DTD1: variants seen among roughly 807,000 people sequenced by gnomAD.
The protein encoded by DTD1 is D-tyrosyl-tRNA deacylase 1 homolog.
In DTD1, 13 loss-of-function variants were observed where a neutral mutation model predicts 25.6. The ratio of observed to expected loss-of-function variants is 0.51; its 90% confidence interval spans 0.33 to 0.81. The LOEUF is 0.81. Ranked by LOEUF, DTD1 falls within the 30% of genes least tolerant of loss-of-function variation. The probability of loss-of-function intolerance (pLI) is 0.02; values close to 1 mark genes in which losing one functional copy is unlikely to be tolerated. For synonymous variants in DTD1, 110 were observed against 103.6 expected, an observed-to-expected ratio of 1.06 and a Z score of -0.37; for missense variants, 193 against 266.4, an observed-to-expected ratio of 0.72 and a Z score of 1.92.
chr20:18,686,175 T>G (rs894421824), intron 4 of DTD1, among the ~76,000 whole-genome samples: 2 of 152,246 alleles, frequency 1.3e-5, no homozygotes, highest in African/African-American at 4.8e-5. Context: ...ATATAGAATA[T>G]CCACCATAGT....
At chr20:18,706,977 G>A (rs949968666) in intron 4 of DTD1, among the ~76,000 whole-genome samples, 1 of 152,224 alleles carries the variant, frequency 6.6e-6, no homozygotes, top group African/African-American at 2.4e-5. Flanking sequence ...GAGACCCCGT[G>A]TGCTGAGGGG....
chr20:18,630,428 C>T (rs1013450690), intron 4 of DTD1: 1 of 152,048 alleles, frequency 6.6e-6, no homozygotes, highest in Non-Finnish European at 1.5e-5. Context: ...GGCGCGATCT[C>T]CGTTCATTGC....
intron 4 of DTD1, chr20:18,632,189 G>A: frequency 3.0e-6 from 3 of 985,282 alleles, no homozygotes; most frequent in Non-Finnish European, 3.6e-6. Context: ...TCCTCAAGTA[G>A]GCATTTTTTA....
intron 4 of DTD1, among the ~76,000 whole-genome samples, chr20:18,676,745 A>AAT (rs2060976869): frequency 6.6e-6 from 1 of 152,082 alleles, no homozygotes; most frequent in African/African-American, 2.4e-5. Flanking sequence ...GTAGGATCAC[A>AAT]TTTTGGTCCT....
chr20:18,764,992 A>G lies in DTD1; in HGVS notation c.*1652A>G, dbSNP rs1018929254. 6.6e-6 allele frequency: 1 copy of G among 152,216 alleles called. No homozygotes were observed. Among genetic ancestry groups the G allele is most frequent in the Non-Finnish European group, 1.5e-5 (1 of 68,030 alleles). 9.4% of individuals were successfully genotyped at this position (152,216 alleles called of 1,614,324 possible). A position where few individuals can be genotyped will look rare whatever the true frequency, so the allele number is the denominator to read the frequency against. On this transcript the variant is annotated 3_prime_UTR_variant, in exon 6 of 6. Transcript: ENST00000377452. ...TTGAACAGTTGCAGCCTGTCCTTGT[A>G]GTAAGGGGTAACGAGGATTGCATAG...
rs10632823 is a variant in DTD1, at chr20:18,744,655, A to AAAAAAAAAC, written c.*19+384_*19+385insAAAAAAAAC. 6.0e-3 allele frequency among the ~76,000 whole-genome samples: 714 copies of AAAAAAAAAC among 119,872 alleles called. 77 individuals are homozygous for AAAAAAAAAC. The highest frequency in any genetic ancestry group is 0.028 in the South Asian group (91 of 3,254). The allele number at this position is 119,872 out of a possible 152,430, so 78.6% of individuals were successfully genotyped here. On this transcript the variant is annotated intron_variant, in intron 5 of 5. Transcript: ENST00000377452. Reference sequence around the variant, plus strand: ...CCATCTCAAAAAAAAAAAACAAAAAACAAGTGAAAGGGGTTTCCCCTTATA... The same window carrying AAAAAAAAAC: ...CCATCTCAAAAAAAAAAAACAAAAAAAAAAAAAACCAAGTGAAAGGGGTTTCCCCTTATA...
In DTD1 at chr20:18,668,540, G is replaced by A. The variant is rs190491458; in HGVS notation, c.477+40307G>A. ...GCACCATTTGAAGACCTCTGTTGTC[G>A]GTGAAGTTAGCTTGACCCACACCTG... On this transcript the variant is annotated intron_variant, in intron 4 of 5. Coordinates refer to ENST00000377452, the MANE Select transcript of DTD1 (RefSeq NM_080820.6). Among the ~76,000 whole-genome samples the A allele has an allele frequency of 1.2e-4, 19 of 152,240 alleles. No individual in the cohort carries two copies. The East Asian group carries it at 3.3e-3, about 26-fold the overall frequency.
Position 18,588,078 on chromosome 20 carries a change from G to T in DTD1, c.6G>T (p.Lys2Asn). The part of the protein sequence containing the change: M[K>N]AVVQRVTRAS... ...CACTCGCCCCAGCCGCCGCCATGAAGGCCGTGGTGCAGCGCGTCACCCGGG... is the reference window on the plus strand; with the variant it reads ...CACTCGCCCCAGCCGCCGCCATGAATGCCGTGGTGCAGCGCGTCACCCGGG... Residue 2 changes from lysine to asparagine, a missense_variant, in exon 1 of 6, where the codon AAG becomes AAT. By Grantham distance (94) the Lys-to-Asn change is moderately conservative. Coordinates refer to ENST00000377452, the MANE Select transcript of DTD1 (RefSeq NM_080820.6). The T allele has an allele frequency of 7.2e-7, 1 of 1,384,862 alleles. No homozygotes were observed. Among genetic ancestry groups the T allele is most frequent in the East Asian group, 3.1e-5 (1 of 32,226 alleles). The allele number at this position is 1,384,862 out of a possible 1,614,324, so 85.8% of individuals were successfully genotyped here.
At chr20:18,647,820 T>C (rs540890425) in intron 4 of DTD1, among the ~76,000 whole-genome samples, 1 of 152,148 alleles carries the variant, frequency 6.6e-6, no homozygotes, top group African/African-American at 2.4e-5. Flanking sequence ...GGATGGCAGA[T>C]AGATTGGACT....
intron 4 of DTD1, among the ~76,000 whole-genome samples, chr20:18,692,609 A>T (rs1408926980): frequency 6.6e-6 from 1 of 152,224 alleles, no homozygotes; most frequent in African/African-American, 2.4e-5. Context: ...GCTCAAAGGG[A>T]TGCACTAAAG....
At chr20:18,720,745 C>A (rs1045430763) in intron 4 of DTD1, among the ~76,000 whole-genome samples, 5 of 152,102 alleles carry the variant, frequency 3.3e-5, no homozygotes, top group Non-Finnish European at 7.4e-5. Context: ...GTAGTCCCAG[C>A]TACTCAAGAG....
At chr20:18,688,662 A>G (rs1413451852) in intron 4 of DTD1, among the ~76,000 whole-genome samples, 1 of 152,098 alleles carries the variant, frequency 6.6e-6, no homozygotes, top group Non-Finnish European at 1.5e-5. Flanking sequence ...CCATCTTTCT[A>G]TACTAGATTG....
intron 4 of DTD1, among the ~76,000 whole-genome samples, chr20:18,712,003 A>C (rs2061160941): frequency 6.6e-6 from 1 of 151,862 alleles, no homozygotes; most frequent in Non-Finnish European, 1.5e-5. Context: ...TGGGAGGTGG[A>C]AGTGGTTGCA....
At chr20:18,607,482 C>T (rs1198815862) in intron 3 of DTD1, among the ~76,000 whole-genome samples, 1 of 151,858 alleles carries the variant, frequency 6.6e-6, no homozygotes, top group Non-Finnish European at 1.5e-5. Context: ...TATCTGGTTT[C>T]GGTATTAGGG....
chr20:18,660,616 TAAAG>T (rs939281749), intron 4 of DTD1, among the ~76,000 whole-genome samples: 15 of 152,134 alleles, frequency 9.9e-5, no homozygotes, highest in African/African-American at 4.8e-5. Context: ...TTATTTAGTA[TAAAG>T]AGAGTTTAAA....
At chr20:18,588,248 C>T (rs1334412551) in intron 1 of DTD1, 133 bp downstream of exon 1, 1 of 900,598 alleles carries the variant, frequency 1.1e-6, no homozygotes, top group Non-Finnish European at 1.4e-6. Flanking sequence ...CCTTCGCGAG[C>T]TCGGTCCGCG....
intron 4 of DTD1, among the ~76,000 whole-genome samples, chr20:18,635,092 T>G (rs1161240339): frequency 1.3e-5 from 2 of 152,242 alleles, no homozygotes; most frequent in Non-Finnish European, 2.9e-5. Flanking sequence ...TCAGCTTCAG[T>G]GTTCACATGG....
chr20:18,666,532 C>A (rs1482505699), intron 4 of DTD1, among the ~76,000 whole-genome samples: 1 of 152,088 alleles, frequency 6.6e-6, no homozygotes, highest in Non-Finnish European at 1.5e-5. Flanking sequence ...TAGTGTGTGT[C>A]CCTTGCAGTA....
intron 4 of DTD1, among the ~76,000 whole-genome samples, chr20:18,732,581 A>G (rs1262180465): frequency 6.6e-6 from 1 of 152,198 alleles, no homozygotes; most frequent in Non-Finnish European, 1.5e-5. Flanking sequence ...AGCCCCATTA[A>G]AGGAAAAACC....
Sources: gnomAD v4.1 joint callset for allele counts (sites outside exome capture counted in the v4.1 genomes callset) on GRCh38, gnomAD v4.1.1 for gene constraint, MANE v1.5 for transcripts, NCBI Gene and HGNC (gene_info 2026-07-23, HGNC 2026-07-21) for gene names.